Variants in RUNX1 observed in about 807,000 individuals in gnomAD.
RUNX1 encodes runt-related transcription factor 1.
A neutral mutation model predicts 42.8 loss-of-function variants in RUNX1; 19 were observed. The observed-to-expected ratio is 0.44, with a 90% CI of 0.31 to 0.65. RUNX1 has a LOEUF of 0.65. Among genes scored for constraint, RUNX1 ranks in the 30% least tolerant of loss-of-function variants. The pLI is 0.07. For missense variants in RUNX1, 528 were observed against 672.0 expected (o/e 0.79, Z 2.37); for synonymous variants, 271 against 289.4 (o/e 0.94, Z 0.64).
chr21:34,788,138 A>G lies in RUNX1; in HGVS notation c.*3997T>C, dbSNP rs2056391152. 1 of 233,258 alleles carries G rather than the reference A, an allele frequency of 4.3e-6. No homozygotes were observed. Among genetic ancestry groups the G allele is most frequent in the East Asian group, 6.0e-5 (1 of 16,592 alleles). 14.4% of individuals were successfully genotyped at this position (233,258 alleles called of 1,614,324 possible). On this transcript the variant is annotated 3_prime_UTR_variant, in exon 9 of 9. Transcript: ENST00000675419. ...TTTAAGAAGCATTCCATACGTTTGT[A>G]CCAGGGAGAAAGAAGCCCACGCACG...
chr21:34,962,245 G>C (rs776012273), intron 2 of RUNX1, among the ~76,000 whole-genome samples: 15 of 152,072 alleles, frequency 9.9e-5, no homozygotes, highest in Non-Finnish European at 1.9e-4. Flanking sequence ...TTTGATGTTT[G>C]AGAAGTTCAT....
intron 6 of RUNX1, among the ~76,000 whole-genome samples, chr21:34,836,128 G>A (rs1455378953): frequency 3.3e-5 from 5 of 152,222 alleles, no homozygotes; most frequent in Admixed American, 6.5e-5. Context: ...TAATATTTAT[G>A]TAGTTCAAAT....
At chr21:34,993,741 A>G (rs2058970021) in intron 2 of RUNX1, among the ~76,000 whole-genome samples, 1 of 126,738 alleles carries the variant, frequency 7.9e-6, no homozygotes, top group Non-Finnish European at 1.5e-5. Flanking sequence ...AGACACACAG[A>G]GACACACACA....
chr21:34,880,453 A>G, intron 5 of RUNX1, 104 bp downstream of exon 5: 1 of 1,078,492 alleles, frequency 9.3e-7, no homozygotes, highest in South Asian at 1.3e-5. Flanking sequence ...ATGTTAAGAC[A>G]GACCGAGTTT....
At chr21:35,038,611 CTCTGTGTGTGTGTGTGTG>C (rs2059332432) in intron 2 of RUNX1, 1 of 288,294 alleles carries the variant, frequency 3.5e-6, no homozygotes, top group African/African-American at 3.3e-5. Context: ...CTCTCTCTCT[CTCTGTGTGTGTGTGTGTG>C]TGTGTGTGTG....
intron 2 of RUNX1, among the ~76,000 whole-genome samples, chr21:34,917,702 A>C (rs1316587971): frequency 6.6e-6 from 1 of 152,212 alleles, no homozygotes; most frequent in African/African-American, 2.4e-5. Flanking sequence ...GCCCTCATAC[A>C]AGCATTGAAA....
intron 4 of RUNX1, among the ~76,000 whole-genome samples, chr21:34,886,482 G>C (rs1456345071): frequency 6.6e-6 from 1 of 152,198 alleles, no homozygotes; most frequent in East Asian, 1.9e-4. Flanking sequence ...CAGCGGTAGG[G>C]GCAGCAGTAA....
chr21:34,969,141 G>A lies in RUNX1; in HGVS notation c.59-76178C>T, dbSNP rs114039820. Among the ~76,000 whole-genome samples the A allele has an allele frequency of 5.7e-3, 867 of 152,290 alleles. 6 individuals are homozygous for A. Among genetic ancestry groups the A allele is most frequent in the African/African-American group, 0.02 (821 of 41,558 alleles). On this transcript the variant is annotated intron_variant, in intron 2 of 8. Transcript: ENST00000675419. ...TAATGGCCCAAACCGGGGCGACTAC[G>A]ATGAATTCCTTTTACATCAAACACA...
chr21:34,928,724 A>AT (rs2058416183), intron 2 of RUNX1, among the ~76,000 whole-genome samples: 1 of 151,700 alleles, frequency 6.6e-6, no homozygotes, highest in Admixed American at 6.6e-5. Flanking sequence ...GCTGATTTAG[A>AT]TTTTTTGGCC....
chr21:34,960,154 A>G (rs2058672415), intron 2 of RUNX1, among the ~76,000 whole-genome samples: 1 of 152,180 alleles, frequency 6.6e-6, no homozygotes, highest in African/African-American at 2.4e-5. Context: ...TTCCAGGAAC[A>G]CAGCTGTTCT....
intron 7 of RUNX1, among the ~76,000 whole-genome samples, chr21:34,820,114 T>A (rs2056885825): frequency 1.3e-5 from 2 of 152,214 alleles, no homozygotes; most frequent in South Asian, 4.1e-4. Flanking sequence ...CACGTGGGCT[T>A]TGTGCTCAGG....
intron 5 of RUNX1, among the ~76,000 whole-genome samples, chr21:34,863,550 C>CTTTTTTTTT (rs34743281): frequency 9.2e-6 from 1 of 109,134 alleles, no homozygotes; most frequent in Non-Finnish European, 1.8e-5. Context: ...TCATGCCCAT[C>CTTTTTTTTT]TTTTTTTTTT....
At position 34,841,588 on chromosome 21, in the gene RUNX1, T is replaced by G. The variant is rs569318422; in HGVS notation, c.614-6987A>C. 3.9e-5 allele frequency among the ~76,000 whole-genome samples: 6 copies of G among 152,268 alleles called. No homozygotes were observed. The South Asian group carries it at 1.0e-3, about 26-fold the overall frequency. ...AAGGCAAATGCCTCCTACTTGAAACTAGAAGGCAGATAGGTTGAGCTCCCC... is the reference window on the plus strand; with the variant it reads ...AAGGCAAATGCCTCCTACTTGAAACGAGAAGGCAGATAGGTTGAGCTCCCC... On this transcript the variant is annotated intron_variant, in intron 6 of 8. Coordinates refer to ENST00000675419, the MANE Select transcript of RUNX1 (RefSeq NM_001754.5).
rs117733978 is a variant in RUNX1, at chr21:34,816,835, G to A, written c.806-17373C>T. Among the ~76,000 whole-genome samples the A allele has an allele frequency of 1.5e-3, 224 of 152,278 alleles. 1 individual carries two copies. In the South Asian group the frequency reaches 0.032, roughly 22 times the overall value. On this transcript the variant is annotated intron_variant, in intron 7 of 8. Coordinates refer to ENST00000675419, the MANE Select transcript of RUNX1 (RefSeq NM_001754.5). The stretch of plus-strand genomic sequence containing the variant: ...TCAGTGTCCAGCCTCCCTCCTGTTC[G>A]TTGGCTTGACTTTTTGGTCATTTCA...
chr21:35,028,127 T>C (rs2059249765), intron 2 of RUNX1, among the ~76,000 whole-genome samples: 1 of 152,202 alleles, frequency 6.6e-6, no homozygotes, highest in Non-Finnish European at 1.5e-5. Flanking sequence ...TTCCTGAAGA[T>C]TTCATTTAGA....
intron 2 of RUNX1, among the ~76,000 whole-genome samples, chr21:34,947,486 G>A (rs1036951962): frequency 6.6e-6 from 1 of 152,194 alleles, no homozygotes; most frequent in Non-Finnish European, 1.5e-5. Flanking sequence ...AGAAATACAT[G>A]TGAATATGCT....
intron 6 of RUNX1, among the ~76,000 whole-genome samples, chr21:34,842,233 G>A (rs1232798218): frequency 1.3e-5 from 2 of 152,112 alleles, no homozygotes; most frequent in Admixed American, 1.3e-4. Flanking sequence ...CGGGCCTGAT[G>A]GCTCATCCCA....
At chr21:34,965,148 CCCA>C (rs1218519970) in intron 2 of RUNX1, among the ~76,000 whole-genome samples, 4 of 151,502 alleles carry the variant, frequency 2.6e-5, no homozygotes, top group Non-Finnish European at 5.9e-5. Context: ...TGCACAGTCC[CCCA>C]CAACATGCAC....
chr21:35,024,753 T>A lies in RUNX1; in HGVS notation c.58+24089A>T, dbSNP rs150621850. On this transcript the variant is annotated intron_variant, in intron 2 of 8. Coordinates refer to ENST00000675419, the MANE Select transcript of RUNX1 (RefSeq NM_001754.5). ...GTTGTAGCTAATACTGCCTCTTCCA[T>A]CCTAGTCACTTTGCAACTTGACATT... Among the ~76,000 whole-genome samples the A allele has an allele frequency of 7.9e-3, 1,201 of 152,344 alleles. 14 individuals are homozygous for A. The highest frequency in any genetic ancestry group is 0.027 in the African/African-American group (1,134 of 41,572).
Sources: gnomAD v4.1 joint callset for allele counts (sites outside exome capture counted in the v4.1 genomes callset) on GRCh38, gnomAD v4.1.1 for gene constraint, MANE v1.5 for transcripts, NCBI Gene and HGNC (gene_info 2026-07-23, HGNC 2026-07-21) for gene names.